Variants in AFTPH observed in about 807,000 individuals in gnomAD.
AFTPH encodes the protein aftiphilin protein.
AFTPH carries 7 observed loss-of-function variants against 72.5 expected under a neutral mutation model. The ratio of observed to expected loss-of-function variants is 0.10; its 90% CI spans 0.05 to 0.18. The LOEUF (loss-of-function observed/expected upper bound fraction) is 0.18, where lower values mean the gene tolerates loss of function less well. AFTPH is among the 10% of genes least tolerant of loss of function. AFTPH has a pLI of 1.00. For missense variants in AFTPH, 979 were observed against 1,060.5 expected (o/e 0.92, Z 1.07); for synonymous variants, 337 against 370.1 (o/e 0.91, Z 1.03).
intron 2 of AFTPH, among the ~76,000 whole-genome samples, chr2:64,559,179 C>G (rs991182973): frequency 6.6e-6 from 1 of 152,150 alleles, no homozygotes; most frequent in African/African-American, 2.4e-5. Context: ...ATGAGACTTG[C>G]AATACACTTA....
chr2:64,579,147 T>C (rs749195675), intron 6 of AFTPH: 50 of 191,708 alleles, frequency 2.6e-4, no homozygotes, highest in Non-Finnish European at 4.5e-4. Flanking sequence ...TACCATGTTT[T>C]AATTTTTATT....
chr2:64,567,429 CAG>C (rs759511310), intron 2 of AFTPH, 131 bp from the exon 3 acceptor site: 9 of 835,282 alleles, frequency 1.1e-5, no homozygotes, highest in South Asian at 2.1e-5. Flanking sequence ...TCTTTTCACT[CAG>C]TGTTTTCTGA....
intron 1 of AFTPH, among the ~76,000 whole-genome samples, chr2:64,526,129 C>T (rs13397959): frequency 0.12 from 17,572 of 152,146 alleles, 2,865 homozygotes; most frequent in African/African-American, 0.35. Context: ...AAAATAATCC[C>T]GTATCACAAC....
At chr2:64,590,225 T>G (rs560496063) in intron 8 of AFTPH, among the ~76,000 whole-genome samples, 1 of 152,340 alleles carries the variant, frequency 6.6e-6, no homozygotes, top group South Asian at 2.1e-4. Context: ...CAGTAGCTTA[T>G]ATAAAGATTA....
chr2:64,590,396 C>T (rs186252403), intron 8 of AFTPH, among the ~76,000 whole-genome samples: 104 of 152,194 alleles, frequency 6.8e-4, no homozygotes, highest in Non-Finnish European at 1.1e-3. Flanking sequence ...TAGAATGCAT[C>T]CTAGGTGTTA....
At chr2:64,581,203 C>T in intron 7 of AFTPH, 1 of 1,595,470 alleles carries the variant, frequency 6.3e-7, no homozygotes, top group African/African-American at 1.3e-5. Flanking sequence ...GTGGAGGTTC[C>T]ACTCTTCTGA....
chr2:64,548,466 C>T (rs924851905), intron 1 of AFTPH, among the ~76,000 whole-genome samples: 1 of 133,470 alleles, frequency 7.5e-6, no homozygotes, highest in Non-Finnish European at 1.6e-5. Context: ...TAGTTAATGG[C>T]TGTATAATAT....
chr2:64,527,580 CAAAA>C, intron 1 of AFTPH, among the ~76,000 whole-genome samples: 1 of 135,620 alleles, frequency 7.4e-6, no homozygotes, highest in African/African-American at 2.6e-5. Context: ...AACATCATCT[CAAAA>C]AAAAAAAAAG....
chr2:64,591,938 C>T (rs1260015173), exon 9 of AFTPH: 15 of 1,613,892 alleles, frequency 9.3e-6, no homozygotes, highest in Non-Finnish European at 1.3e-5. Flanking sequence ...AAGGTGATCG[C>T]TGGCCTTCCT....
chr2:64,546,716 G>A (rs552400143), intron 1 of AFTPH, among the ~76,000 whole-genome samples: 1 of 152,076 alleles, frequency 6.6e-6, no homozygotes, highest in East Asian at 1.9e-4. Flanking sequence ...TACAACCAAG[G>A]ACATTCTCAT....
At chr2:64,539,486 C>T (rs1214967769) in intron 1 of AFTPH, among the ~76,000 whole-genome samples, 2 of 152,140 alleles carry the variant, frequency 1.3e-5, no homozygotes. Context: ...ACATTTCAGG[C>T]CACATTTCAA....
chr2:64,579,168 C>T (rs1048428759), intron 6 of AFTPH, among the ~76,000 whole-genome samples: 3 of 152,016 alleles, frequency 2.0e-5, no homozygotes. Context: ...GTAATCACAT[C>T]AATAGTTGAA....
At chr2:64,550,720 CACACACACACA>C (rs902810012) in intron 1 of AFTPH, among the ~76,000 whole-genome samples, 4 of 121,562 alleles carry the variant, frequency 3.3e-5, no homozygotes, top group African/African-American at 1.2e-4. Context: ...CACACACACA[CACACACACACA>C]ACTGGTGAAA....
In AFTPH at chr2:64,553,510, A is replaced by G. The variant is rs566427360; in HGVS notation, c.1935+101A>G. 1.1e-5 allele frequency: 14 copies of G among 1,310,180 alleles called. No homozygotes were observed. In the East Asian group the frequency reaches 3.5e-4, roughly 33 times the overall value. 81.2% of individuals were successfully genotyped at this position (1,310,180 alleles called of 1,614,324 possible). ...TATTTTTTCAACTGAGTACTTGTTA[A>G]AGGAGTCTCGTTATGATGTATAATG... On this transcript the variant is annotated intron_variant, in intron 2 of 8. Transcript: ENST00000238856.
chr2:64,552,076 A>G (rs749529512), exon 2 of AFTPH: 3 of 1,614,062 alleles, frequency 1.9e-6, no homozygotes, highest in Non-Finnish European at 1.7e-6. Context: ...GATGATCTGG[A>G]CAATGTAGCT....
intron 1 of AFTPH, among the ~76,000 whole-genome samples, chr2:64,545,012 C>A (rs6546086): frequency 1.3e-5 from 2 of 152,036 alleles, no homozygotes; most frequent in African/African-American, 4.8e-5. Context: ...GAAAAACTTG[C>A]GGAGTTGTTG....
chr2:64,568,096 C>G (rs1672198032), intron 3 of AFTPH, among the ~76,000 whole-genome samples: 2 of 151,684 alleles, frequency 1.3e-5, no homozygotes, highest in Non-Finnish European at 2.9e-5. Flanking sequence ...AACTCCCTGC[C>G]TTTTTACTTT....
intron 6 of AFTPH, among the ~76,000 whole-genome samples, chr2:64,575,807 C>T (rs954038811): frequency 6.7e-6 from 1 of 149,380 alleles, no homozygotes; most frequent in Admixed American, 6.8e-5. Context: ...GGCATGGTTT[C>T]AGCTCACTGC....
intron 1 of AFTPH, among the ~76,000 whole-genome samples, chr2:64,550,292 C>T (rs553264379): frequency 6.6e-6 from 1 of 152,058 alleles, no homozygotes; most frequent in Non-Finnish European, 1.5e-5. Flanking sequence ...CTCAGCTACC[C>T]AGGAGGCTGA....
Sources: allele counts gnomAD v4.1 joint callset (sites outside exome capture counted in the v4.1 genomes callset), GRCh38; gene constraint gnomAD v4.1.1; transcripts MANE v1.5; gene names NCBI Gene and HGNC (gene_info 2026-07-23, HGNC 2026-07-21).